UNKL: variants seen among roughly 807,000 people sequenced by gnomAD.
UNKL encodes putative E3 ubiquitin-protein ligase UNKL.
Under a neutral mutation model 78.0 loss-of-function variants are expected in UNKL, and 60 were observed. The observed-to-expected ratio is 0.77, with a 90% CI of 0.63 to 0.95. UNKL has a LOEUF of 0.95. Among genes scored for constraint, UNKL ranks in the 40% least tolerant of loss-of-function variants. UNKL has a pLI of 0.00. For missense variants in UNKL, 1,159 were observed against 1,045.7 expected (o/e 1.11, Z -1.49); for synonymous variants, 608 against 474.8 (o/e 1.28, Z -3.65).
In UNKL at chr16:1,367,606, C is replaced by A. The variant is rs111839679; in HGVS notation, c.1788+50G>T. The A allele has an allele frequency of 4.8e-4, 592 of 1,223,852 alleles. No individual in the cohort carries two copies. Among genetic ancestry groups the A allele is most frequent in the Middle Eastern group, 1.6e-3 (6 of 3,758 alleles). 75.8% of individuals were successfully genotyped at this position (1,223,852 alleles called of 1,614,324 possible). On this transcript the variant is annotated intron_variant, in intron 13 of 14. Transcript: ENST00000389221. ...TCACCCCCACACGCTCACCTGAGTC[C>A]CCTGCGGCCCTCCCTCCCCCTCACC...
chr16:1,389,731 G>C (rs946195481), intron 9 of UNKL, among the ~76,000 whole-genome samples: 2 of 152,188 alleles, frequency 1.3e-5, no homozygotes, highest in Non-Finnish European at 2.9e-5. Context: ...ATCTGCACCC[G>C]GGGGGCCTCA....
At chr16:1,372,663 T>A (rs2035953220) in intron 10 of UNKL, among the ~76,000 whole-genome samples, 1 of 152,054 alleles carries the variant, frequency 6.6e-6, no homozygotes, top group African/African-American at 2.4e-5. Flanking sequence ...GGGTGAGGGG[T>A]GACCAGAGGA....
chr16:1,391,949 A>T (rs1020046093), intron 8 of UNKL, among the ~76,000 whole-genome samples: 3 of 152,090 alleles, frequency 2.0e-5, no homozygotes, highest in African/African-American at 7.2e-5. Flanking sequence ...TGGCCTCCCA[A>T]AGTGCTGGGA....
In UNKL at chr16:1,366,386, G is replaced by C. The variant is rs1038274287; in HGVS notation, c.2056C>G (p.Gln686Glu). 7.5e-6 allele frequency: 12 copies of C among 1,592,214 alleles called. No individual in the cohort carries two copies. The highest frequency in any genetic ancestry group is 9.4e-6 in the Non-Finnish European group (11 of 1,167,092). ...DLEAVDGVIFQLRAKQCVACR... is the reference protein window; with the variant it reads ...DLEAVDGVIFELRAKQCVACR... ...GCCACACACTGCTTGGCGCGGAGCT[G>C]GAAGATCACCTGCAGGGCCAGAACA... The change falls in exon 15 of 15, where the codon CAG (glutamine) becomes GAG (glutamate). Residue 686 changes from glutamine (Q) to glutamate (E), a missense_variant. Coordinates refer to ENST00000389221, the MANE Select transcript of UNKL (RefSeq NM_001372107.1).
rs781397262 is a variant in UNKL, at chr16:1,367,208, C to G, written c.1930G>C (p.Gly644Arg). ...KQLQEELEGL[G>R]VASTLPGLRG... ...AGCCCCGGCAGTGTGGAGGCTACGC[C>G]CAGGCCCTCCAGCTCCTCCTGCAGC... Residue 644 changes from glycine to arginine, a missense_variant, in exon 14 of 15, where the codon GGC becomes CGC. Coordinates refer to ENST00000389221, the MANE Select transcript of UNKL (RefSeq NM_001372107.1). 25 of 1,604,558 alleles carry G rather than the reference C, an allele frequency of 1.6e-5. 1 individual carries two copies. The highest frequency in any genetic ancestry group is 1.5e-5 in the Non-Finnish European group (18 of 1,177,988).
intron 4 of UNKL, 114 bp downstream of exon 4, chr16:1,401,454 C>G (rs921329372): frequency 3.9e-6 from 5 of 1,287,106 alleles, no homozygotes; most frequent in Non-Finnish European, 4.0e-6. Flanking sequence ...TCGGTTTCCC[C>G]ATCTGATCAC....
At chr16:1,407,343 A>C (rs2037813659) in intron 2 of UNKL, 1 of 152,254 alleles carries the variant, frequency 6.6e-6, no homozygotes, top group Non-Finnish European at 1.5e-5. Flanking sequence ...CGGACGACAG[A>C]GGCCTGGGGA....
intron 2 of UNKL, among the ~76,000 whole-genome samples, chr16:1,410,381 G>A (rs1376804118): frequency 1.3e-5 from 2 of 152,222 alleles, no homozygotes; most frequent in African/African-American, 4.8e-5. Flanking sequence ...GCCGAGGCGG[G>A]TGGATCACCT....
intron 2 of UNKL, chr16:1,405,769 G>A (rs2037729615): frequency 8.7e-6 from 3 of 346,358 alleles, no homozygotes; most frequent in Non-Finnish European, 1.8e-5. Context: ...TCAGTGAGCA[G>A]AGCCACGTGA....
At chr16:1,368,081 A>G in intron 12 of UNKL, 1 of 479,428 alleles carries the variant, frequency 2.1e-6, no homozygotes, top group Non-Finnish European at 3.7e-6. Flanking sequence ...CGGTCTCCCC[A>G]CCAGATCTAC....
At chr16:1,366,512 C>T (rs1030716462) in intron 14 of UNKL, 117 bp from the exon 15 acceptor site, 14 of 1,327,844 alleles carry the variant, frequency 1.1e-5, no homozygotes, top group Middle Eastern at 2.7e-4. Context: ...CCACCAGCTA[C>T]AGAGACAGGG....
chr16:1,408,866 G>A (rs753336729), intron 2 of UNKL: 2 of 152,086 alleles, frequency 1.3e-5, no homozygotes, highest in Non-Finnish European at 2.9e-5. Flanking sequence ...TCTGCTCTCT[G>A]ATACACATTC....
At chr16:1,413,785 A>C in intron 2 of UNKL, 61 bp downstream of exon 2, 1 of 1,459,872 alleles carries the variant, frequency 6.8e-7, no homozygotes, top group South Asian at 1.4e-5. Context: ...TCCCGGCCGC[A>C]TCCCCGGGTG....
rs369713107 is a variant in UNKL at position 1,399,438 on chromosome 16, A to G, written c.670T>C (p.Tyr224His). 2 of 1,606,094 alleles carry G rather than the reference A, an allele frequency of 1.2e-6. No homozygotes were observed. Among genetic ancestry groups the G allele is most frequent in the African/African-American group, 2.7e-5 (2 of 74,900 alleles). Residue 224 changes from tyrosine (Y) to histidine (H), a missense_variant, in exon 5 of 15, where the codon TAT becomes CAT. Coordinates refer to ENST00000389221, the MANE Select transcript of UNKL (RefSeq NM_001372107.1). This position sits in a 1 kb window ranked among gnomAD's most constrained non-coding sequence, Gnocchi z 5.8. ...CTATTGTGGTAGTGTGGGCACGCAT[A>G]GCCCTGGCGGCACAGGCGTGGCGGC... ...PKPPRLCRQG[Y>H]ACPHYHNSRD...
At chr16:1,410,355 C>T (rs2037983220) in intron 2 of UNKL, among the ~76,000 whole-genome samples, 1 of 152,126 alleles carries the variant, frequency 6.6e-6, no homozygotes, top group Admixed American at 6.5e-5. Context: ...TGCCTGTAAT[C>T]CCAGCACTTT....
At position 1,401,615 on chromosome 16, in the gene UNKL, C is replaced by A. The variant is rs2037531529; in HGVS notation, c.551G>T (p.Ser184Ile). ...VPDLQPGVLASQAMIEKILSE... is the reference protein window; with the variant it reads ...VPDLQPGVLAIQAMIEKILSE... ...CAGGATCTTCTCAATCATGGCCTGG[C>A]TGGCCAAGACCCCAGGCTGCAGATC... is the stretch of plus-strand genomic sequence containing the variant. The change falls in exon 4 of 15, where the codon AGC becomes ATC. Residue 184 changes from serine to isoleucine, a missense_variant. Physicochemically the swap from Ser to Ile is moderately radical, Grantham distance 142. Coordinates refer to ENST00000389221, the MANE Select transcript of UNKL (RefSeq NM_001372107.1). 6.2e-7 allele frequency: 1 copy of A among 1,608,332 alleles called. No homozygotes were observed. The highest frequency in any genetic ancestry group is 8.5e-7 in the Non-Finnish European group (1 of 1,177,638).
chr16:1,372,368 C>T (rs1442854386), intron 10 of UNKL, among the ~76,000 whole-genome samples: 1 of 152,188 alleles, frequency 6.6e-6, no homozygotes, highest in African/African-American at 2.4e-5. Flanking sequence ...CCTCAATTCC[C>T]AAGGCTCAAG....
intron 10 of UNKL, among the ~76,000 whole-genome samples, chr16:1,381,462 A>G (rs2036603963): frequency 6.6e-6 from 1 of 152,226 alleles, no homozygotes; most frequent in African/African-American, 2.4e-5. Flanking sequence ...TCTATTAAAA[A>G]TACAAAAATT....
rs2142313775 is a variant in UNKL at position 1,413,893 on chromosome 16, G to A, written c.240C>T (p.Tyr80=). 1 of 1,558,536 alleles carries A rather than the reference G, an allele frequency of 6.4e-7. No homozygotes were observed. The highest frequency in any genetic ancestry group is 1.4e-5 in the African/African-American group (1 of 73,432). ...CGGTGGCTTCGTTGTACTTGGAGCA[G>A]TACACGTCGGGGCTGTAGTTGAAGG... ...DGTFNYSPDV[Y]CSKYNEATGV... Residue 80 remains tyrosine (Y), a synonymous_variant, in exon 2 of 15, where the codon TAC becomes TAT. Transcript: ENST00000389221.
Sources: gnomAD v4.1 joint callset for allele counts (sites outside exome capture counted in the v4.1 genomes callset) on GRCh38, gnomAD v4.1.1 for gene constraint, Gnocchi (gnomAD v3.1) non-coding constraint, MANE v1.5 for transcripts, NCBI Gene and HGNC (gene_info 2026-07-23, HGNC 2026-07-21) for gene names.